Variants in RASGEF1A observed in about 807,000 individuals in gnomAD.
RASGEF1A encodes the protein RasGEF domain family member 1A.
A neutral mutation model predicts 56.4 loss-of-function variants in RASGEF1A; 18 were observed. The observed-to-expected ratio is 0.32, with a 90% CI of 0.22 to 0.47. RASGEF1A has a LOEUF of 0.47. Ranked by LOEUF, RASGEF1A falls within the 20% of genes least tolerant of loss-of-function variation. RASGEF1A has a pLI of 1.00. For missense variants in RASGEF1A, 422 were observed against 627.1 expected (o/e 0.67, Z 3.49); for synonymous variants, 245 against 242.6 (o/e 1.01, Z -0.09).
intron 1 of RASGEF1A, chr10:43,229,731 G>A (rs988486412): frequency 2.2e-6 from 3 of 1,393,510 alleles, no homozygotes; most frequent in African/African-American, 1.5e-5. Flanking sequence ...CGCGAGCCAA[G>A]CAAGCACCCA....
At chr10:43,206,600 G>A (rs1839999619) in intron 1 of RASGEF1A, 5 of 994,964 alleles carry the variant, frequency 5.0e-6, no homozygotes, top group Non-Finnish European at 6.0e-6. Context: ...GACAGTCTGA[G>A]GACTCAGGGC....
At chr10:43,261,498 C>T (rs1376978204) in intron 1 of RASGEF1A, among the ~76,000 whole-genome samples, 1 of 152,242 alleles carries the variant, frequency 6.6e-6, no homozygotes, top group African/African-American at 2.4e-5. Context: ...CACTCCTCAT[C>T]CAGCCACCCA....
At chr10:43,200,385 T>C (rs1839875111) in intron 5 of RASGEF1A, 129 bp from the exon 6 acceptor site, 3 of 789,540 alleles carry the variant, frequency 3.8e-6, no homozygotes, top group Non-Finnish European at 6.2e-6. Context: ...CCCAGGCCAG[T>C]CCTCCATCCT....
intron 1 of RASGEF1A, among the ~76,000 whole-genome samples, chr10:43,260,680 C>T (rs571084817): frequency 4.0e-5 from 6 of 151,524 alleles, no homozygotes; most frequent in East Asian, 4.0e-4. Flanking sequence ...TTTCCCACTG[C>T]GGGAGCCAAG....
intron 2 of RASGEF1A, among the ~76,000 whole-genome samples, chr10:43,204,886 C>T (rs1839969930): frequency 6.6e-6 from 1 of 152,328 alleles, no homozygotes; most frequent in Non-Finnish European, 1.5e-5. Context: ...GGCCTTGGGC[C>T]CCTCCCCTGG....
At chr10:43,199,592 A>G (rs773676627) in intron 7 of RASGEF1A, 84 bp downstream of exon 7, 3 of 1,122,178 alleles carry the variant, frequency 2.7e-6, no homozygotes, top group East Asian at 2.4e-5. Context: ...TTAAAGTTCC[A>G]TCATCTAATT....
intron 1 of RASGEF1A, among the ~76,000 whole-genome samples, chr10:43,232,466 T>C (rs1005212019): frequency 6.7e-6 from 1 of 149,652 alleles, no homozygotes; most frequent in South Asian, 2.1e-4. Context: ...CTTTTCTTTA[T>C]AAATTACCCA....
intron 1 of RASGEF1A, among the ~76,000 whole-genome samples, chr10:43,251,207 T>A (rs942169278): frequency 1.3e-5 from 2 of 152,192 alleles, no homozygotes; most frequent in Non-Finnish European, 2.9e-5. Context: ...TCAGTTTTCC[T>A]TCCTGCCGCA....
At chr10:43,253,710 CCAA>C (rs1840652735) in intron 1 of RASGEF1A, among the ~76,000 whole-genome samples, 1 of 152,328 alleles carries the variant, frequency 6.6e-6, no homozygotes, top group African/African-American at 2.4e-5. Flanking sequence ...TGAGATTCTA[CCAA>C]CAGACACCTG....
In RASGEF1A at chr10:43,206,834, C is replaced by A. The variant is rs955277869; in HGVS notation, c.-6-712G>T. On this transcript the variant is annotated intron_variant, in intron 1 of 12. Transcript: ENST00000395810. ...GTATGAGGCAGGGCTGTGGGCAGGG[C>A]TAGAGAGAGATCTGGAACTGGCTTT... 10 of 985,786 alleles carry A rather than the reference C, an allele frequency of 1.0e-5. No individual in the cohort carries two copies. The African/African-American group carries it at 1.7e-4, about 17-fold the overall frequency. 61.1% of individuals were successfully genotyped at this position (985,786 alleles called of 1,614,324 possible). A position where few individuals can be genotyped will look rare whatever the true frequency, so the allele number is the denominator to read the frequency against.
At chr10:43,228,528 C>T (rs10899779) in intron 1 of RASGEF1A, among the ~76,000 whole-genome samples, 25,351 of 152,222 alleles carry the variant, frequency 0.17, 2,719 homozygotes, top group East Asian at 0.51. Context: ...TATGTGACCC[C>T]GTCAGCCTGG....
intron 1 of RASGEF1A, among the ~76,000 whole-genome samples, chr10:43,238,806 A>G (rs1321712935): frequency 6.6e-6 from 1 of 152,242 alleles, no homozygotes; most frequent in Non-Finnish European, 1.5e-5. Flanking sequence ...CACAGCTGCC[A>G]TCCCCATGAG....
intron 1 of RASGEF1A, among the ~76,000 whole-genome samples, chr10:43,212,606 G>C (rs1034894015): frequency 6.6e-6 from 1 of 152,244 alleles, no homozygotes; most frequent in Non-Finnish European, 1.5e-5. Flanking sequence ...GGGGTGGCAG[G>C]GAGACACATG....
chr10:43,250,341 C>T lies in RASGEF1A; in HGVS notation c.-7+16504G>A, dbSNP rs1286489242. The stretch of plus-strand genomic sequence containing the variant: ...TGAGCAGCTATGACGGTTTCCCTGT[C>T]GGGGGACGCAGAGACCACCTCCCAG... On this transcript the variant is annotated intron_variant, in intron 1 of 12. Transcript: ENST00000395810. 2.6e-5 allele frequency among the ~76,000 whole-genome samples: 4 copies of T among 152,302 alleles called. No individual in the cohort carries two copies. The East Asian group carries it at 5.8e-4, about 22-fold the overall frequency.
intron 1 of RASGEF1A, among the ~76,000 whole-genome samples, chr10:43,256,889 T>C (rs1162259475): frequency 6.6e-6 from 1 of 152,200 alleles, no homozygotes; most frequent in African/African-American, 2.4e-5. Flanking sequence ...ACCCCCTTCC[T>C]CCCTTCATGG....
Position 43,263,667 on chromosome 10 carries a change from G to A in RASGEF1A, c.-7+3178C>T, listed in dbSNP as rs537587687. 5.9e-5 allele frequency among the ~76,000 whole-genome samples: 9 copies of A among 152,206 alleles called. No homozygotes were observed. The South Asian group carries it at 1.2e-3, about 21-fold the overall frequency. On this transcript the variant is annotated intron_variant, in intron 1 of 12. Coordinates refer to ENST00000395810, the MANE Select transcript of RASGEF1A (RefSeq NM_145313.4). ...CTGGCTGCCCTGGGCAGCACAGGCC[G>A]GCAGCTCAGCCCCTACCCCAGCCCG...
intron 3 of RASGEF1A, 46 bp downstream of exon 3, chr10:43,203,252 T>A: frequency 7.0e-7 from 1 of 1,421,752 alleles, no homozygotes; most frequent in Non-Finnish European, 9.3e-7. Flanking sequence ...TGACCTCGCC[T>A]CCTGCCCCCT....
chr10:43,239,818 T>G (rs991680532), intron 1 of RASGEF1A, among the ~76,000 whole-genome samples: 1 of 152,256 alleles, frequency 6.6e-6, no homozygotes, highest in African/African-American at 2.4e-5. Context: ...ACAAAAATCA[T>G]ATTCCCCAAG....
Position 43,197,025 on chromosome 10 carries a change from G to A in RASGEF1A, c.1299C>T (p.Asp433=). 1 of 1,614,066 alleles carries A rather than the reference G, an allele frequency of 6.2e-7. No individual in the cohort carries two copies. Among genetic ancestry groups the A allele is most frequent in the Non-Finnish European group, 8.5e-7 (1 of 1,180,020 alleles). Residue 433 remains aspartate (D), a synonymous_variant, in exon 11 of 13, where the codon GAC becomes GAT. Coordinates refer to ENST00000395810, the MANE Select transcript of RASGEF1A (RefSeq NM_145313.4). ...TGAGCAGGTAACTCTGAATCTTCTTGTCCTTCTCGAAAGGACACTCTACCT... is the reference window on the plus strand; with the variant it reads ...TGAGCAGGTAACTCTGAATCTTCTTATCCTTCTCGAAAGGACACTCTACCT... ...WTQVECPFEK[D]KKIQSYLLTA...
Sources: gnomAD v4.1 joint callset for allele counts (sites outside exome capture counted in the v4.1 genomes callset) on GRCh38, gnomAD v4.1.1 for gene constraint, MANE v1.5 for transcripts, NCBI Gene and HGNC (gene_info 2026-07-23, HGNC 2026-07-21) for gene names.